The following SYNRG variants were observed in gnomAD, a reference collection of about 807,000 sequenced individuals.
SYNRG encodes the protein AP1 gamma subunit binding protein 1.
SYNRG carries 37 observed loss-of-function variants against 130.9 expected under a neutral mutation model. The ratio of observed to expected loss-of-function variants is 0.28; its 90% confidence interval spans 0.22 to 0.37. The LOEUF (loss-of-function observed/expected upper bound fraction) is 0.37, where lower values mean the gene tolerates loss of function less well. Among genes scored for constraint, SYNRG ranks in the 10% least tolerant of loss-of-function variants. The pLI, the probability that SYNRG is intolerant of heterozygous loss-of-function variation, is 1.00. For missense variants in SYNRG, 1,338 were observed against 1,588.9 expected, an observed-to-expected ratio of 0.84 and a Z score of 2.68; for synonymous variants, 539 against 568.1, an observed-to-expected ratio of 0.95 and a Z score of 0.73.
intron 10 of SYNRG, among the ~76,000 whole-genome samples, chr17:37,569,654 CAA>C (rs528592907): frequency 7.4e-5 from 4 of 53,956 alleles, no homozygotes; most frequent in Admixed American, 1.9e-4. Context: ...GACTCTGTCT[CAA>C]AAAAAAAAAA....
At chr17:37,522,571 A>C (rs572020847) in intron 19 of SYNRG, among the ~76,000 whole-genome samples, 1 of 150,818 alleles carries the variant, frequency 6.6e-6, no homozygotes, top group Non-Finnish European at 1.5e-5. Context: ...GGGCTCAAGC[A>C]ATCCTCCCGC....
chr17:37,533,450 C>A (rs2056848340), intron 19 of SYNRG, among the ~76,000 whole-genome samples: 1 of 147,646 alleles, frequency 6.8e-6, no homozygotes, highest in Non-Finnish European at 1.5e-5. Flanking sequence ...GAATAGATTG[C>A]TAGGAGATTA....
At chr17:37,558,928 G>A (rs937949891) in intron 13 of SYNRG, among the ~76,000 whole-genome samples, 20 of 152,130 alleles carry the variant, frequency 1.3e-4, no homozygotes, top group Non-Finnish European at 1.5e-5. Context: ...GGTAAAATAC[G>A]AGTTCGGTTG....
chr17:37,608,264 G>A (rs545693239), intron 1 of SYNRG, among the ~76,000 whole-genome samples: 11 of 152,204 alleles, frequency 7.2e-5, no homozygotes, highest in African/African-American at 2.6e-4. Context: ...CACTTTTGTA[G>A]TGTTCACGAC....
chr17:37,574,869 A>AT (rs1340677767), intron 8 of SYNRG, among the ~76,000 whole-genome samples: 4 of 152,128 alleles, frequency 2.6e-5, no homozygotes, highest in Non-Finnish European at 5.9e-5. Context: ...GGCTGTACTA[A>AT]TTTATAAGCC....
chr17:37,567,444 G>C (rs1331817531), intron 11 of SYNRG: 4 of 152,224 alleles, frequency 2.6e-5, no homozygotes. Context: ...GACTCATTCA[G>C]ATAGGGATGC....
chr17:37,518,853 T>C lies in SYNRG; in HGVS notation c.*87A>G. 1.3e-6 allele frequency: 2 copies of C among 1,547,334 alleles called. No homozygotes were observed. Among genetic ancestry groups the C allele is most frequent in the Non-Finnish European group, 8.8e-7 (1 of 1,142,182 alleles). ...CATATCGATTCAGGGAAGCGAACTGTGCAGTGCTCGCATTCTATTTATTGG... is the reference window on the plus strand; with the variant it reads ...CATATCGATTCAGGGAAGCGAACTGCGCAGTGCTCGCATTCTATTTATTGG... On this transcript the variant is annotated 3_prime_UTR_variant, in exon 22 of 22. Coordinates refer to ENST00000612223, the MANE Select transcript of SYNRG (RefSeq NM_007247.6).
chr17:37,578,287 C>A (rs558074685), intron 6 of SYNRG, among the ~76,000 whole-genome samples: 141 of 151,422 alleles, frequency 9.3e-4, no homozygotes, highest in African/African-American at 2.9e-3. Context: ...GCTGAAATCA[C>A]GCCACTGCAC....
chr17:37,540,751 C>T (rs1265778012), intron 15 of SYNRG: 2 of 738,616 alleles, frequency 2.7e-6, no homozygotes, highest in African/African-American at 1.8e-5. Context: ...TCTCCTGCCT[C>T]AGCCTCCTGA....
rs770358364 is a variant in SYNRG, at chr17:37,518,777, C to T, written c.*163G>A. 1 of 874,086 alleles carries T rather than the reference C, an allele frequency of 1.1e-6. No homozygotes were observed. The highest frequency in any genetic ancestry group is 1.7e-6 in the Non-Finnish European group (1 of 586,908). The allele number at this position is 874,086 out of a possible 1,614,324, so 54.1% of individuals were successfully genotyped here. On this transcript the variant is annotated 3_prime_UTR_variant, in exon 22 of 22. Coordinates refer to ENST00000612223, the MANE Select transcript of SYNRG (RefSeq NM_007247.6). The stretch of plus-strand genomic sequence containing the variant: ...GGGTGGGACAATTTTACCTGAAGTC[C>T]TGCAGACTGGCCGTGGGGATGACGG...
chr17:37,557,124 G>C (rs538544239), intron 13 of SYNRG: 26 of 152,226 alleles, frequency 1.7e-4, no homozygotes, highest in African/African-American at 5.8e-4. Flanking sequence ...TAGATTTTTG[G>C]TTAATGTCTA....
intron 6 of SYNRG, among the ~76,000 whole-genome samples, chr17:37,583,438 T>G (rs1035202845): frequency 1.7e-4 from 26 of 152,180 alleles, no homozygotes; most frequent in Admixed American, 1.7e-3. Flanking sequence ...AATGGGAATC[T>G]TAAGTGAAAT....
chr17:37,561,397 C>T (rs2059523141), intron 12 of SYNRG, 74 bp downstream of exon 12: 1 of 1,462,554 alleles, frequency 6.8e-7, no homozygotes, highest in African/African-American at 1.4e-5. Flanking sequence ...AGAAGACCAC[C>T]ACTTAAAGAT....
chr17:37,601,033 G>C (rs935118381), intron 1 of SYNRG: 1 of 152,662 alleles, frequency 6.6e-6, no homozygotes, highest in African/African-American at 2.4e-5. Flanking sequence ...TTAAAAGCAA[G>C]CAGATTGTAC....
chr17:37,600,574 C>G, intron 1 of SYNRG, 171 bp from the exon 2 acceptor site: 1 of 736,424 alleles, frequency 1.4e-6, no homozygotes, highest in South Asian at 1.5e-5. Flanking sequence ...GGATGCATGT[C>G]AGCATGCTAC....
Position 37,541,361 on chromosome 17 carries a change from G to T in SYNRG, c.3202+611C>A, listed in dbSNP as rs2057742114. On this transcript the variant is annotated intron_variant, in intron 15 of 21. Transcript: ENST00000612223. The stretch of plus-strand genomic sequence containing the variant: ...TAGGTCCGCTGAGACAGGAAGCGGT[G>T]GGGATTATGGTAGGAGAGAGAGAAT... The T allele has an allele frequency of 5.0e-6, 3 of 596,546 alleles. No homozygotes were observed. The South Asian group carries it at 2.2e-4, about 44-fold the overall frequency. The allele number at this position is 596,546 out of a possible 1,614,324, so 37.0% of individuals were successfully genotyped here. A position where few individuals can be genotyped will look rare whatever the true frequency, so the allele number is the denominator to read the frequency against.
At chr17:37,522,423 T>C (rs1449450379) in intron 19 of SYNRG, among the ~76,000 whole-genome samples, 1 of 151,740 alleles carries the variant, frequency 6.6e-6, no homozygotes, top group Non-Finnish European at 1.5e-5. Flanking sequence ...AAGTGGTGGG[T>C]TTACAGGCAT....
chr17:37,555,288 G>A (rs1003453509), intron 13 of SYNRG, among the ~76,000 whole-genome samples: 7 of 152,018 alleles, frequency 4.6e-5, no homozygotes, highest in Admixed American at 6.6e-5. Flanking sequence ...CACCACGCCC[G>A]GCTAATTTTT....
chr17:37,590,821 G>A (rs1398316081), intron 3 of SYNRG, among the ~76,000 whole-genome samples: 2 of 152,066 alleles, frequency 1.3e-5, no homozygotes, highest in Non-Finnish European at 2.9e-5. Flanking sequence ...TAGGGATGCT[G>A]AGGCAGGAGA....
Sources: allele counts gnomAD v4.1 joint callset (sites outside exome capture counted in the v4.1 genomes callset), GRCh38; gene constraint gnomAD v4.1.1; transcripts MANE v1.5; gene names NCBI Gene and HGNC (gene_info 2026-07-23, HGNC 2026-07-21).